Variants in FRMD4A observed in about 807,000 individuals in gnomAD.
FRMD4A encodes the protein FERM domain containing 4A.
FRMD4A carries 29 observed loss-of-function variants against 129.1 expected under a neutral mutation model. That is an observed-to-expected ratio of 0.22 (90% CI 0.17 to 0.31). The LOEUF (loss-of-function observed/expected upper bound fraction) is 0.31, where lower values mean the gene tolerates loss of function less well. FRMD4A is among the 10% of genes least tolerant of loss of function. The pLI is 1.00. For synonymous variants in FRMD4A, 634 were observed against 571.6 expected, an observed-to-expected ratio of 1.11 and a Z score of -1.56; for missense variants, 1,272 against 1,375.8, an observed-to-expected ratio of 0.92 and a Z score of 1.19.
intron 2 of FRMD4A, among the ~76,000 whole-genome samples, chr10:14,223,577 C>T (rs1385290180): frequency 6.6e-6 from 1 of 151,914 alleles, no homozygotes; most frequent in Admixed American, 6.6e-5. Context: ...CCTGTCTCTA[C>T]AAAATATCAA....
intron 2 of FRMD4A, among the ~76,000 whole-genome samples, chr10:14,291,923 T>A (rs1255599161): frequency 6.6e-6 from 1 of 152,066 alleles, no homozygotes; most frequent in Non-Finnish European, 1.5e-5. Flanking sequence ...ATTTAGTCAT[T>A]TTAAAATGTG....
At chr10:13,661,040 A>T (rs887178039) in intron 19 of FRMD4A, among the ~76,000 whole-genome samples, 1 of 152,102 alleles carries the variant, frequency 6.6e-6, no homozygotes, top group Non-Finnish European at 1.5e-5. Context: ...GGAGAAGAAA[A>T]AATGAATGAG....
At chr10:14,014,056 CAGTG>C (rs993973103) in intron 2 of FRMD4A, among the ~76,000 whole-genome samples, 52 of 152,266 alleles carry the variant, frequency 3.4e-4, no homozygotes, top group African/African-American at 1.2e-3. Context: ...GAAGACAGCG[CAGTG>C]AGTATCGGGG....
chr10:14,133,472 G>T (rs574043032), intron 2 of FRMD4A, among the ~76,000 whole-genome samples: 2 of 152,220 alleles, frequency 1.3e-5, no homozygotes, highest in East Asian at 3.9e-4. Flanking sequence ...TAGATGCTTG[G>T]GCATCTCAAC....
chr10:13,993,277 T>C (rs575295367), intron 2 of FRMD4A, among the ~76,000 whole-genome samples: 8 of 152,150 alleles, frequency 5.3e-5, no homozygotes, highest in African/African-American at 9.6e-5. Flanking sequence ...AGATCCAGAG[T>C]TCCTCAGGGT....
intron 2 of FRMD4A, among the ~76,000 whole-genome samples, chr10:14,058,186 C>A (rs1372912273): frequency 1.3e-5 from 2 of 152,106 alleles, no homozygotes; most frequent in Non-Finnish European, 2.9e-5. Flanking sequence ...CTTCCCAAAC[C>A]CATAGGGACA....
At chr10:13,966,951 A>T (rs1185782023) in intron 2 of FRMD4A, among the ~76,000 whole-genome samples, 4 of 152,372 alleles carry the variant, frequency 2.6e-5, no homozygotes, top group East Asian at 1.9e-4. Flanking sequence ...GGAGACTATT[A>T]TTCTAAGTGA....
chr10:13,715,064 T>C (rs2134947801), intron 12 of FRMD4A, among the ~76,000 whole-genome samples: 1 of 151,682 alleles, frequency 6.6e-6, no homozygotes, highest in African/African-American at 2.4e-5. Flanking sequence ...AAAAAAAAAA[T>C]TAGAAGTGCC....
chr10:14,155,139 A>T (rs1401158854), intron 2 of FRMD4A, among the ~76,000 whole-genome samples: 3 of 152,146 alleles, frequency 2.0e-5, no homozygotes, highest in African/African-American at 7.2e-5. Flanking sequence ...CATATTTTTT[A>T]AAAAACGTAG....
At chr10:14,290,111 CT>C (rs1394578329) in intron 2 of FRMD4A, among the ~76,000 whole-genome samples, 1 of 152,036 alleles carries the variant, frequency 6.6e-6, no homozygotes, top group African/African-American at 2.4e-5. Context: ...GGAAAGACAT[CT>C]TGTGTTTATG....
At chr10:14,247,539 CT>C (rs796357341) in intron 2 of FRMD4A, among the ~76,000 whole-genome samples, 6 of 152,320 alleles carry the variant, frequency 3.9e-5, no homozygotes, top group African/African-American at 1.4e-4. Flanking sequence ...CTTTCTCGCT[CT>C]TTCTGTCTCT....
chr10:13,865,510 G>A (rs2094355601), intron 2 of FRMD4A, among the ~76,000 whole-genome samples: 1 of 148,014 alleles, frequency 6.8e-6, no homozygotes, highest in African/African-American at 2.5e-5. Context: ...GAGTGCGTTG[G>A]TGCTATCATA....
At chr10:13,825,001 C>A (rs779653030) in intron 3 of FRMD4A, among the ~76,000 whole-genome samples, 2 of 151,920 alleles carry the variant, frequency 1.3e-5, no homozygotes, top group African/African-American at 2.4e-5. Flanking sequence ...GTCATTTTTC[C>A]CTCATTCCTG....
chr10:14,160,906 G>C (rs1840850280), intron 2 of FRMD4A, among the ~76,000 whole-genome samples: 1 of 152,156 alleles, frequency 6.6e-6, no homozygotes, highest in Non-Finnish European at 1.5e-5. Context: ...TTCACACACT[G>C]TTGGTAGGAA....
chr10:13,891,503 G>T, intron 2 of FRMD4A: 1 of 647,800 alleles, frequency 1.5e-6, no homozygotes, highest in Non-Finnish European at 1.9e-6. Context: ...ACGACTCCAG[G>T]CCCCCAGTAA....
intron 2 of FRMD4A, among the ~76,000 whole-genome samples, chr10:14,214,236 C>G (rs530202851): frequency 6.6e-6 from 1 of 152,184 alleles, no homozygotes; most frequent in East Asian, 1.9e-4. Flanking sequence ...GAAATGACAC[C>G]TCCTAGAGAA....
intron 2 of FRMD4A, among the ~76,000 whole-genome samples, chr10:13,976,413 A>G (rs2095542249): frequency 6.6e-6 from 1 of 152,142 alleles, no homozygotes; most frequent in Non-Finnish European, 1.5e-5. Context: ...ACTGCCAGGT[A>G]CGGACTCCCA....
intron 2 of FRMD4A, among the ~76,000 whole-genome samples, chr10:14,100,701 T>C (rs1014101320): frequency 2.2e-4 from 33 of 152,184 alleles, no homozygotes; most frequent in African/African-American, 7.0e-4. Flanking sequence ...ATGCTGAAAA[T>C]AGAACATATA....
chr10:13,936,933 T>G (rs1047644879), intron 2 of FRMD4A, among the ~76,000 whole-genome samples: 7 of 152,234 alleles, frequency 4.6e-5, no homozygotes, highest in Non-Finnish European at 8.8e-5. Context: ...TAAATAGTCT[T>G]GACATTTCTT....
Sources: allele counts gnomAD v4.1 joint callset (sites outside exome capture counted in the v4.1 genomes callset), GRCh38; gene constraint gnomAD v4.1.1; transcripts MANE v1.5; gene names NCBI Gene and HGNC (gene_info 2026-07-23, HGNC 2026-07-21).